ZNF385D: variants seen among roughly 807,000 people sequenced by gnomAD.
ZNF385D encodes the protein zinc finger protein 385D.
ZNF385D carries 15 observed loss-of-function variants against 35.8 expected under a neutral mutation model. The observed-to-expected ratio is 0.42, with a 90% CI of 0.28 to 0.64. ZNF385D has a LOEUF of 0.64. ZNF385D is among the 30% of genes least tolerant of loss of function. The pLI is 0.23. For missense variants in ZNF385D, 474 were observed against 494.6 expected, an observed-to-expected ratio of 0.96 and a Z score of 0.39; for synonymous variants, 212 against 186.8, an observed-to-expected ratio of 1.13 and a Z score of -1.10.
At chr3:22,135,569 G>C (rs1453365087) in intron 3 of ZNF385D, among the ~76,000 whole-genome samples, 1 of 152,026 alleles carries the variant, frequency 6.6e-6, no homozygotes, top group Non-Finnish European at 1.5e-5. Flanking sequence ...TTGATCAATG[G>C]GTTTAATGCA....
chr3:21,859,280 T>G (rs1203927797), intron 3 of ZNF385D, among the ~76,000 whole-genome samples: 2 of 152,066 alleles, frequency 1.3e-5, no homozygotes, highest in Non-Finnish European at 2.9e-5. Context: ...GCAGATTCAC[T>G]TCTGCTTCAG....
At chr3:22,096,149 T>A (rs1701610722) in intron 3 of ZNF385D, among the ~76,000 whole-genome samples, 1 of 151,660 alleles carries the variant, frequency 6.6e-6, no homozygotes, top group African/African-American at 2.4e-5. Context: ...TGTTTAATAA[T>A]TGTTTAGAGG....
intron 3 of ZNF385D, among the ~76,000 whole-genome samples, chr3:22,132,686 T>C: frequency 6.6e-6 from 1 of 152,112 alleles, no homozygotes; most frequent in East Asian, 1.9e-4. Context: ...ATGGTCTTTA[T>C]TAATATTTCA....
chr3:22,236,671 C>CACT (rs1699201312), intron 2 of ZNF385D, among the ~76,000 whole-genome samples: 1 of 152,132 alleles, frequency 6.6e-6, no homozygotes, highest in South Asian at 2.1e-4. Context: ...ACATTTTCAT[C>CACT]ACTACAAAAT....
At chr3:21,717,577 C>T (rs1336711620) in intron 1 of ZNF385D, among the ~76,000 whole-genome samples, 1 of 152,152 alleles carries the variant, frequency 6.6e-6, no homozygotes, top group African/African-American at 2.4e-5. Flanking sequence ...GTGTCCCCAC[C>T]CAAATCTCAC....
At chr3:21,922,997 G>C (rs1231881088) in intron 3 of ZNF385D, among the ~76,000 whole-genome samples, 1 of 152,000 alleles carries the variant, frequency 6.6e-6, no homozygotes, top group African/African-American at 2.4e-5. Context: ...CTTCTCAAAA[G>C]AGGACATACA....
chr3:21,422,690 C>A (rs909766742), intron 7 of ZNF385D, among the ~76,000 whole-genome samples: 1 of 152,174 alleles, frequency 6.6e-6, no homozygotes, highest in African/African-American at 2.4e-5. Flanking sequence ...TCAACATATG[C>A]AAATCAATAA....
At chr3:21,581,525 G>T (rs1385335569) in intron 2 of ZNF385D, among the ~76,000 whole-genome samples, 1 of 152,092 alleles carries the variant, frequency 6.6e-6, no homozygotes, top group African/African-American at 2.4e-5. Context: ...GACAGAGAGG[G>T]CTCAATAAAG....
At chr3:21,978,898 CAAG>C (rs1465004721) in intron 3 of ZNF385D, among the ~76,000 whole-genome samples, 4 of 151,762 alleles carry the variant, frequency 2.6e-5, no homozygotes, top group Non-Finnish European at 4.4e-5. Context: ...TTACTTTTCC[CAAG>C]AAAAGTAAAA....
intron 2 of ZNF385D, among the ~76,000 whole-genome samples, chr3:22,227,144 T>C (rs1401044097): frequency 3.3e-5 from 5 of 151,520 alleles, no homozygotes; most frequent in Admixed American, 3.3e-4. Context: ...TAACATAATA[T>C]TTTGATCATA....
intron 3 of ZNF385D, among the ~76,000 whole-genome samples, chr3:21,910,632 A>T (rs570422981): frequency 2.0e-5 from 3 of 151,878 alleles, no homozygotes; most frequent in Non-Finnish European, 4.4e-5. Context: ...TATCTCATGT[A>T]TAATAATATA....
intron 3 of ZNF385D, among the ~76,000 whole-genome samples, chr3:22,066,357 G>T (rs1298120659): frequency 2.7e-5 from 4 of 150,202 alleles, no homozygotes; most frequent in Admixed American, 2.7e-4. Context: ...GGGCGAGATG[G>T]TTCCCTGTGT....
chr3:22,349,152 T>C (rs76213926), intron 2 of ZNF385D, among the ~76,000 whole-genome samples: 1,555 of 152,290 alleles, frequency 0.01, 24 homozygotes, highest in African/African-American at 0.035. Context: ...TTATTAATCT[T>C]TGTATGCTGA....
At chr3:22,154,013 T>C (rs1278998027) in intron 3 of ZNF385D, among the ~76,000 whole-genome samples, 1 of 152,154 alleles carries the variant, frequency 6.6e-6, no homozygotes, top group South Asian at 2.1e-4. Flanking sequence ...TCCAGTCCTT[T>C]AGCTTACTTT....
At chr3:22,171,387 G>T (rs747815949) in intron 2 of ZNF385D, among the ~76,000 whole-genome samples, 1 of 152,114 alleles carries the variant, frequency 6.6e-6, no homozygotes, top group Non-Finnish European at 1.5e-5. Flanking sequence ...AAGCCTCTGA[G>T]ATTTATTTGC....
chr3:21,563,183 A>G (rs567054227), intron 3 of ZNF385D: 2 of 152,292 alleles, frequency 1.3e-5, no homozygotes, highest in Admixed American at 6.5e-5. Context: ...AATAGCTTCA[A>G]GGGAGCTCCT....
chr3:21,535,212 C>G (rs1014075232), intron 3 of ZNF385D, among the ~76,000 whole-genome samples: 3 of 152,120 alleles, frequency 2.0e-5, no homozygotes, highest in African/African-American at 7.2e-5. Flanking sequence ...TCATGTTACT[C>G]TAGGTATGAA....
chr3:21,771,864 G>A (rs1188928926), intron 3 of ZNF385D, among the ~76,000 whole-genome samples: 3 of 151,944 alleles, frequency 2.0e-5, no homozygotes. Context: ...AAAATAGGGT[G>A]ATACTGGCAT....
At chr3:22,141,540 GGA>G (rs1704503188) in intron 3 of ZNF385D, among the ~76,000 whole-genome samples, 1 of 152,136 alleles carries the variant, frequency 6.6e-6, no homozygotes, top group African/African-American at 2.4e-5. Context: ...TTGCACCAAT[GGA>G]GGAAAAGACC....
Sources: gnomAD v4.1 joint callset for allele counts (sites outside exome capture counted in the v4.1 genomes callset) on GRCh38, gnomAD v4.1.1 for gene constraint, MANE v1.5 for transcripts, NCBI Gene and HGNC (gene_info 2026-07-23, HGNC 2026-07-21) for gene names.